The following B3GALT1 variants were observed in gnomAD, a reference collection of about 807,000 sequenced individuals.
The protein encoded by B3GALT1 is UDP-Gal:betaGlcNAc beta 1,3-galactosyltransferase, polypeptide 1.
B3GALT1 carries 10 observed loss-of-function variants against 23.2 expected under a neutral mutation model. The observed-to-expected ratio is 0.43, with a 90% CI of 0.27 to 0.73. The LOEUF is 0.73. B3GALT1 is among the 30% of genes least tolerant of loss of function. The probability of loss-of-function intolerance (pLI) is 0.21; values close to 1 mark genes in which losing one functional copy is unlikely to be tolerated. For synonymous variants in B3GALT1, 156 were observed against 141.5 expected, an observed-to-expected ratio of 1.10 and a Z score of -0.73; for missense variants, 299 against 405.4, an observed-to-expected ratio of 0.74 and a Z score of 2.25.
intron 3 of B3GALT1, among the ~76,000 whole-genome samples, chr2:167,750,165 A>G (rs1249439545): frequency 2.6e-5 from 4 of 152,350 alleles, no homozygotes; most frequent in Non-Finnish European, 5.9e-5. Context: ...TAAGGCTAAG[A>G]AAAGTTTTTG....
At chr2:167,468,002 G>GA (rs1400679490) in intron 1 of B3GALT1, among the ~76,000 whole-genome samples, 1 of 152,134 alleles carries the variant, frequency 6.6e-6, no homozygotes, top group Non-Finnish European at 1.5e-5. Flanking sequence ...GTGCTTGAAA[G>GA]AAGTAAAAAG....
At chr2:167,418,431 T>C (rs538268910) in intron 1 of B3GALT1, among the ~76,000 whole-genome samples, 39 of 150,500 alleles carry the variant, frequency 2.6e-4, no homozygotes, top group African/African-American at 7.3e-4. Flanking sequence ...AAAAAAGAGC[T>C]CATGTTTTTC....
chr2:167,806,527 AGG>A (rs1688758545), intron 3 of B3GALT1, among the ~76,000 whole-genome samples: 1 of 152,194 alleles, frequency 6.6e-6, no homozygotes, highest in Non-Finnish European at 1.5e-5. Context: ...TTTAGCATGA[AGG>A]GCTGTTGAAT....
At chr2:167,768,805 G>A (rs1206002912) in intron 3 of B3GALT1, among the ~76,000 whole-genome samples, 4 of 152,086 alleles carry the variant, frequency 2.6e-5, no homozygotes, top group African/African-American at 7.2e-5. Context: ...AGAGACATTC[G>A]GAAATCACAA....
chr2:167,596,238 G>A (rs745869303), intron 2 of B3GALT1, among the ~76,000 whole-genome samples: 1 of 152,198 alleles, frequency 6.6e-6, no homozygotes, highest in Admixed American at 6.5e-5. Context: ...CATTTGCTGA[G>A]TGTGCCAGTC....
intron 1 of B3GALT1, among the ~76,000 whole-genome samples, chr2:167,475,501 A>G (rs1052636549): frequency 6.6e-6 from 1 of 152,160 alleles, no homozygotes; most frequent in Non-Finnish European, 1.5e-5. Flanking sequence ...CTACAGTAAA[A>G]AGAAACCTTC....
intron 1 of B3GALT1, among the ~76,000 whole-genome samples, chr2:167,335,808 C>G (rs901455907): frequency 5.3e-5 from 8 of 151,994 alleles, no homozygotes; most frequent in African/African-American, 1.9e-4. Context: ...TCTTTATGAC[C>G]TGTATCTTTT....
intron 1 of B3GALT1, among the ~76,000 whole-genome samples, chr2:167,424,860 C>T (rs997750173): frequency 6.6e-6 from 1 of 152,204 alleles, no homozygotes; most frequent in East Asian, 1.9e-4. Flanking sequence ...TTGAAAGTAT[C>T]CCGTTTAGAT....
At chr2:167,780,242 C>G (rs1209553412) in intron 3 of B3GALT1, among the ~76,000 whole-genome samples, 1 of 152,174 alleles carries the variant, frequency 6.6e-6, no homozygotes, top group African/African-American at 2.4e-5. Flanking sequence ...GAAGGTATTG[C>G]ATTGCACACA....
At chr2:167,351,026 T>C (rs1190290930) in intron 1 of B3GALT1, among the ~76,000 whole-genome samples, 3 of 152,174 alleles carry the variant, frequency 2.0e-5, no homozygotes, top group African/African-American at 7.2e-5. Context: ...CCCAGCACTT[T>C]GCGAGGCCGA....
intron 4 of B3GALT1, among the ~76,000 whole-genome samples, chr2:167,827,714 C>T (rs537651334): frequency 6.6e-6 from 1 of 152,314 alleles, no homozygotes; most frequent in African/African-American, 2.4e-5. Flanking sequence ...GTGCTTCAGC[C>T]ACTGAGCAAA....
chr2:167,856,702 T>C (rs1295280177), intron 4 of B3GALT1, among the ~76,000 whole-genome samples: 2 of 152,274 alleles, frequency 1.3e-5, no homozygotes, highest in South Asian at 2.1e-4. Context: ...TCAAGTGCCA[T>C]GTTGATCTAT....
In B3GALT1 at chr2:167,756,427, T is replaced by C. The variant is rs147080700; in HGVS notation, c.-351-62245T>C. On this transcript the variant is annotated intron_variant, in intron 3 of 4. Transcript: ENST00000392690. ...CTATGTAGACAAATACTCTTGTTGA[T>C]CGCATATAAATACACTGAGTGTTGA... Among the ~76,000 whole-genome samples, 500 of 152,348 alleles carry C rather than the reference T, an allele frequency of 3.3e-3. 1 individual carries two copies. The highest frequency in any genetic ancestry group is 0.01 in the Middle Eastern group (3 of 294).
At chr2:167,836,553 G>A (rs913218267) in intron 4 of B3GALT1, among the ~76,000 whole-genome samples, 1 of 152,192 alleles carries the variant, frequency 6.6e-6, no homozygotes, top group Non-Finnish European at 1.5e-5. Flanking sequence ...ACGTCTGATT[G>A]GTGTACCTGA....
At chr2:167,579,432 C>CTTTTTTTTTTT (rs71395297) in intron 2 of B3GALT1, among the ~76,000 whole-genome samples, 6 of 109,050 alleles carry the variant, frequency 5.5e-5, no homozygotes, top group African/African-American at 7.6e-5. Flanking sequence ...TTTTTTTTGT[C>CTTTTTTTTTTT]TTTTTTTTTT....
intron 2 of B3GALT1, among the ~76,000 whole-genome samples, chr2:167,566,365 A>C (rs1169319089): frequency 1.4e-5 from 2 of 147,948 alleles, no homozygotes; most frequent in Non-Finnish European, 3.0e-5. Flanking sequence ...GTGGGGGGAG[A>C]GGGGAGGGAT....
chr2:167,404,378 C>T (rs1476557892), intron 1 of B3GALT1, among the ~76,000 whole-genome samples: 1 of 152,082 alleles, frequency 6.6e-6, no homozygotes, highest in Non-Finnish European at 1.5e-5. Context: ...CAAATGATAA[C>T]AGAAATACAC....
chr2:167,306,961 A>C (rs1219116567), intron 1 of B3GALT1, among the ~76,000 whole-genome samples: 2 of 152,050 alleles, frequency 1.3e-5, no homozygotes, highest in Non-Finnish European at 2.9e-5. Flanking sequence ...AATTACTTAG[A>C]AAAAAGGCAA....
At chr2:167,421,628 C>T (rs1299075488) in intron 1 of B3GALT1, among the ~76,000 whole-genome samples, 1 of 152,114 alleles carries the variant, frequency 6.6e-6, no homozygotes, top group East Asian at 1.9e-4. Context: ...TCAAATGTCA[C>T]TCTTCCAGTC....
Sources: allele counts gnomAD v4.1 joint callset (sites outside exome capture counted in the v4.1 genomes callset), GRCh38; gene constraint gnomAD v4.1.1; transcripts MANE v1.5; gene names NCBI Gene and HGNC (gene_info 2026-07-23, HGNC 2026-07-21).